Variants in BMP5 observed in about 807,000 individuals in gnomAD.
The protein encoded by BMP5 is bone morphogenetic protein 5.
BMP5 carries 23 observed loss-of-function variants against 46.6 expected under a neutral mutation model. The ratio of observed to expected loss-of-function variants is 0.49; its 90% CI spans 0.35 to 0.70. The LOEUF (loss-of-function observed/expected upper bound fraction) is 0.70, where lower values mean the gene tolerates loss of function less well. BMP5 is among the 30% of genes least tolerant of loss of function. BMP5 has a pLI of 0.00. For missense variants in BMP5, 545 were observed against 565.6 expected (o/e 0.96, Z 0.37); for synonymous variants, 204 against 191.9 (o/e 1.06, Z -0.52).
At chr6:55,813,644 A>G (rs1478350306) in intron 2 of BMP5, among the ~76,000 whole-genome samples, 5 of 151,974 alleles carry the variant, frequency 3.3e-5, no homozygotes, top group Admixed American at 6.6e-5. Context: ...AAAATTAGCC[A>G]GGCGTGGTGG....
chr6:55,756,123 A>G (rs1774588624), intron 6 of BMP5, among the ~76,000 whole-genome samples: 1 of 152,030 alleles, frequency 6.6e-6, no homozygotes, highest in Admixed American at 6.6e-5. Flanking sequence ...AGGAAAATTA[A>G]GCAATAAATC....
chr6:55,816,159 C>CA lies in BMP5; in HGVS notation c.683+3495dup, dbSNP rs371366898. The stretch of plus-strand genomic sequence containing the variant: ...ACATACATAAAATATATATAACTGA[C>CA]AAAAAATAAACATAATTCAAACATT... On this transcript the variant is annotated intron_variant, in intron 2 of 6. Transcript: ENST00000370830. Among the ~76,000 whole-genome samples the CA allele has an allele frequency of 3.6e-3, 548 of 151,772 alleles. 6 individuals are homozygous for CA. Among genetic ancestry groups the CA allele is most frequent in the African/African-American group, 0.012 (517 of 41,454 alleles).
At chr6:55,788,978 A>G (rs946260427) in intron 3 of BMP5, among the ~76,000 whole-genome samples, 4 of 151,858 alleles carry the variant, frequency 2.6e-5, no homozygotes, top group Non-Finnish European at 5.9e-5. Flanking sequence ...TTTGGGTACA[A>G]AATTTAGTGA....
chr6:55,770,919 C>A (rs1344135106), intron 4 of BMP5, among the ~76,000 whole-genome samples: 6 of 151,768 alleles, frequency 4.0e-5, no homozygotes, highest in African/African-American at 1.5e-4. Context: ...TGTGGTGTCA[C>A]AAAACAATTA....
At chr6:55,869,199 G>A (rs563697224) in intron 1 of BMP5, among the ~76,000 whole-genome samples, 3 of 152,152 alleles carry the variant, frequency 2.0e-5, no homozygotes, top group East Asian at 3.9e-4. Context: ...TCCCCACTTC[G>A]GTATTTTAGT....
intron 2 of BMP5, among the ~76,000 whole-genome samples, chr6:55,797,747 G>A (rs1775751891): frequency 6.6e-6 from 1 of 151,362 alleles, no homozygotes; most frequent in African/African-American, 2.4e-5. Flanking sequence ...CTCCCGAGTA[G>A]CTGGGACTAC....
intron 1 of BMP5, among the ~76,000 whole-genome samples, chr6:55,872,427 G>T (rs1777807966): frequency 6.6e-6 from 1 of 151,544 alleles, no homozygotes; most frequent in South Asian, 2.1e-4. Context: ...ATGAATAATT[G>T]TATTTCTTCA....
At chr6:55,775,664 A>G (rs890319552) in intron 3 of BMP5, among the ~76,000 whole-genome samples, 1 of 151,892 alleles carries the variant, frequency 6.6e-6, no homozygotes, top group Non-Finnish European at 1.5e-5. Flanking sequence ...CTGTGGAGCA[A>G]CCTCAGTCCA....
chr6:55,854,894 ACT>A (rs958219259), intron 1 of BMP5, among the ~76,000 whole-genome samples: 3 of 151,962 alleles, frequency 2.0e-5, no homozygotes, highest in Non-Finnish European at 4.4e-5. Context: ...TATGCAAAAG[ACT>A]CTCTTTTTTA....
intron 1 of BMP5, among the ~76,000 whole-genome samples, chr6:55,839,607 G>T (rs940350762): frequency 7.2e-5 from 11 of 152,134 alleles, no homozygotes; most frequent in Non-Finnish European, 1.5e-4. Context: ...GAGCCACCAT[G>T]CTTGGTCTGT....
At chr6:55,756,030 A>G (rs900138033) in intron 6 of BMP5, among the ~76,000 whole-genome samples, 1 of 151,936 alleles carries the variant, frequency 6.6e-6, no homozygotes, top group Non-Finnish European at 1.5e-5. Context: ...TATATATATC[A>G]TGAGGAATAT....
chr6:55,874,512 G>T lies in BMP5; in HGVS notation c.354C>A (p.Ala118=). Residue 118 remains alanine, a synonymous_variant, in exon 1 of 7, where the codon GCC becomes GCA. Transcript: ENST00000370830. ...ETRGARKGYP[A]SPNGYPRRIQ... is the part of the protein sequence containing the mutation. ...TGCGACGAGGATACCCATTGGGAGA[G>T]GCTGGGTATCCCTTTCTTGCCCCTC... is the stretch of plus-strand genomic sequence containing the variant. The T allele has an allele frequency of 6.2e-7, 1 of 1,613,458 alleles. No individual in the cohort carries two copies. The highest frequency in any genetic ancestry group is 2.2e-5 in the East Asian group (1 of 44,844).
intron 1 of BMP5, among the ~76,000 whole-genome samples, chr6:55,836,280 A>G (rs887544743): frequency 4.6e-5 from 7 of 152,172 alleles, no homozygotes; most frequent in African/African-American, 1.7e-4. Flanking sequence ...CTTGAAAGTG[A>G]TTATTATTGG....
intron 2 of BMP5, among the ~76,000 whole-genome samples, chr6:55,804,548 C>T (rs935222105): frequency 6.6e-6 from 1 of 152,048 alleles, no homozygotes; most frequent in South Asian, 2.1e-4. Context: ...ATATATTCCC[C>T]TGATTAGGAT....
chr6:55,814,195 A>G (rs1376348607), intron 2 of BMP5, among the ~76,000 whole-genome samples: 1 of 152,106 alleles, frequency 6.6e-6, no homozygotes, highest in Non-Finnish European at 1.5e-5. Flanking sequence ...ATTATTTATT[A>G]AATAAAGACA....
chr6:55,863,329 C>G (rs945884742), intron 1 of BMP5, among the ~76,000 whole-genome samples: 1 of 152,072 alleles, frequency 6.6e-6, no homozygotes, highest in Non-Finnish European at 1.5e-5. Context: ...AATTTTGTTA[C>G]AAAGCAAAGA....
intron 1 of BMP5, among the ~76,000 whole-genome samples, chr6:55,850,397 G>T (rs1035210315): frequency 1.4e-5 from 2 of 140,066 alleles, no homozygotes; most frequent in African/African-American, 5.3e-5. Flanking sequence ...TAGATAGATC[G>T]ATAGATATAG....
At chr6:55,845,124 T>A (rs1332971720) in intron 1 of BMP5, among the ~76,000 whole-genome samples, 1 of 152,064 alleles carries the variant, frequency 6.6e-6, no homozygotes, top group Non-Finnish European at 1.5e-5. Flanking sequence ...GCAAATTTTA[T>A]GGCTAATATC....
chr6:55,818,390 T>C (rs1352057199), intron 2 of BMP5, among the ~76,000 whole-genome samples: 1 of 152,122 alleles, frequency 6.6e-6, no homozygotes, highest in African/African-American at 2.4e-5. Flanking sequence ...ATATAATCAC[T>C]GTTTTGTTTT....
Sources: gnomAD v4.1 joint callset for allele counts (sites outside exome capture counted in the v4.1 genomes callset) on GRCh38, gnomAD v4.1.1 for gene constraint, MANE v1.5 for transcripts, NCBI Gene and HGNC (gene_info 2026-07-23, HGNC 2026-07-21) for gene names.